CDK14: variants seen among roughly 807,000 people sequenced by gnomAD.
CDK14 encodes cyclin dependent kinase 14.
CDK14 carries 34 observed loss-of-function variants against 60.7 expected under a neutral mutation model. That is an observed-to-expected ratio of 0.56 (90% CI 0.43 to 0.75). The LOEUF (loss-of-function observed/expected upper bound fraction) is 0.75. CDK14 is among the 30% of genes least tolerant of loss of function. The pLI is 0.00. For missense variants in CDK14, 482 were observed against 564.1 expected, an observed-to-expected ratio of 0.85 and a Z score of 1.47; for synonymous variants, 197 against 203.7, an observed-to-expected ratio of 0.97 and a Z score of 0.28.
intron 8 of CDK14, among the ~76,000 whole-genome samples, chr7:90,930,529 CTTTTTTTTTTTT>C (rs61187542): frequency 0.22 from 18,404 of 82,154 alleles, 1,624 homozygotes; most frequent in Middle Eastern, 0.35. Flanking sequence ...ACAGGCTAAG[CTTTTTTTTTTTT>C]TTTTTTTTTT....
chr7:90,967,935 A>T (rs919126163), intron 9 of CDK14, among the ~76,000 whole-genome samples: 119 of 152,216 alleles, frequency 7.8e-4, no homozygotes, highest in African/African-American at 2.7e-3. Context: ...TCATTGTGTG[A>T]CAATAGTTAC....
At chr7:90,732,898 C>G (rs1042369295) in intron 3 of CDK14, among the ~76,000 whole-genome samples, 1 of 151,646 alleles carries the variant, frequency 6.6e-6, no homozygotes, top group Non-Finnish European at 1.5e-5. Context: ...AATGTATTTG[C>G]TCTTCCTTCT....
At chr7:91,034,803 C>G (rs564829076) in intron 10 of CDK14, among the ~76,000 whole-genome samples, 2 of 152,264 alleles carry the variant, frequency 1.3e-5, no homozygotes, top group East Asian at 3.9e-4. Flanking sequence ...CTGTATGTTA[C>G]TGCCAAAAAT....
intron 11 of CDK14, among the ~76,000 whole-genome samples, chr7:91,058,802 T>A (rs1163330345): frequency 6.6e-6 from 1 of 152,234 alleles, no homozygotes; most frequent in Non-Finnish European, 1.5e-5. Flanking sequence ...TGGATTCAGT[T>A]TGCCAGTATT....
intron 9 of CDK14, among the ~76,000 whole-genome samples, chr7:90,982,260 A>G (rs1281440150): frequency 1.3e-5 from 2 of 152,216 alleles, no homozygotes; most frequent in African/African-American, 4.8e-5. Flanking sequence ...GAGGAGATGC[A>G]TTTAAACAGG....
intron 7 of CDK14, among the ~76,000 whole-genome samples, chr7:90,915,370 C>A (rs1562826433): frequency 6.6e-6 from 1 of 152,114 alleles, no homozygotes; most frequent in Non-Finnish European, 1.5e-5. Context: ...ACCCGGGAGG[C>A]AGAGGTTGCA....
Position 91,208,645 on chromosome 7 carries a change from G to A in CDK14, c.*1509G>A, listed in dbSNP as rs1802975262. 1 of 152,226 alleles carries A rather than the reference G, an allele frequency of 6.6e-6. No homozygotes were observed. The allele number at this position is 152,226 out of a possible 1,614,324, so 9.4% of individuals were successfully genotyped here. A position where few individuals can be genotyped will look rare whatever the true frequency, so the allele number is the denominator to read the frequency against. On this transcript the variant is annotated 3_prime_UTR_variant, in exon 15 of 15. Transcript: ENST00000380050. ...TTTTAGGATCAAGACTAGGAATTAGGAGCCAGGTTGACAAGGACTTTTTCT... is the reference window on the plus strand; with the variant it reads ...TTTTAGGATCAAGACTAGGAATTAGAAGCCAGGTTGACAAGGACTTTTTCT...
intron 4 of CDK14, among the ~76,000 whole-genome samples, chr7:90,770,954 G>A (rs372137873): frequency 6.6e-6 from 1 of 152,222 alleles, no homozygotes; most frequent in Non-Finnish European, 1.5e-5. Flanking sequence ...GTTTTAGCAA[G>A]AGTCTTGCTT....
intron 6 of CDK14, among the ~76,000 whole-genome samples, chr7:90,896,404 A>C (rs1792339293): frequency 6.6e-6 from 1 of 152,038 alleles, no homozygotes; most frequent in African/African-American, 2.4e-5. Flanking sequence ...CATTGATTGG[A>C]AGAAACCTTA....
At chr7:90,678,088 G>GT (rs1402497294) in intron 2 of CDK14, among the ~76,000 whole-genome samples, 3 of 152,218 alleles carry the variant, frequency 2.0e-5, no homozygotes, top group Admixed American at 2.0e-4. Flanking sequence ...TTAGCTGATT[G>GT]TAAGAATCAA....
At chr7:90,979,443 G>GTT (rs1795167199) in intron 9 of CDK14, 1 of 152,126 alleles carries the variant, frequency 6.6e-6, no homozygotes, top group Admixed American at 6.6e-5. Context: ...CCTTTCAGGC[G>GTT]TTAAGCATCC....
intron 14 of CDK14, among the ~76,000 whole-genome samples, chr7:91,194,918 TA>T (rs1202412292): frequency 6.6e-6 from 1 of 152,110 alleles, no homozygotes; most frequent in Non-Finnish European, 1.5e-5. Context: ...AAATGAACAG[TA>T]AAAAAACATG....
intron 11 of CDK14, among the ~76,000 whole-genome samples, chr7:91,060,667 T>G (rs1797753710): frequency 6.6e-6 from 1 of 152,202 alleles, no homozygotes; most frequent in Non-Finnish European, 1.5e-5. Context: ...GAAACTTAGT[T>G]TGGCTGGATA....
At chr7:90,747,298 A>G (rs1803632929) in intron 3 of CDK14, among the ~76,000 whole-genome samples, 1 of 152,220 alleles carries the variant, frequency 6.6e-6, no homozygotes, top group Admixed American at 6.5e-5. Flanking sequence ...AGAAGATGGT[A>G]TAATAACATG....
chr7:91,175,162 T>G (rs970582225), intron 14 of CDK14, among the ~76,000 whole-genome samples: 13 of 151,016 alleles, frequency 8.6e-5, no homozygotes, highest in African/African-American at 2.2e-4. Flanking sequence ...TCAACATTCT[T>G]AAAGAAAAGA....
chr7:91,126,892 C>T (rs1326416857), intron 14 of CDK14, among the ~76,000 whole-genome samples: 1 of 151,512 alleles, frequency 6.6e-6, no homozygotes, highest in Non-Finnish European at 1.5e-5. Flanking sequence ...AGATCATTTG[C>T]TGGAATGATT....
intron 2 of CDK14, among the ~76,000 whole-genome samples, chr7:90,708,873 T>C (rs1175496993): frequency 6.6e-6 from 1 of 152,168 alleles, no homozygotes; most frequent in African/African-American, 2.4e-5. Context: ...TTATGTCCTT[T>C]TGTGATTCTG....
intron 14 of CDK14, among the ~76,000 whole-genome samples, chr7:91,166,138 T>G (rs1423575723): frequency 6.6e-6 from 1 of 152,226 alleles, no homozygotes; most frequent in African/African-American, 2.4e-5. Flanking sequence ...GACACCCTTA[T>G]GTGTAGAAGG....
At chr7:90,956,429 G>C (rs1345448557) in intron 9 of CDK14, among the ~76,000 whole-genome samples, 1 of 152,086 alleles carries the variant, frequency 6.6e-6, no homozygotes, top group Non-Finnish European at 1.5e-5. Context: ...GATAAACTAT[G>C]CTGAGTTCCC....
Sources: allele counts gnomAD v4.1 joint callset (sites outside exome capture counted in the v4.1 genomes callset), GRCh38; gene constraint gnomAD v4.1.1; transcripts MANE v1.5; gene names NCBI Gene and HGNC (gene_info 2026-07-23, HGNC 2026-07-21).